ANGPT1: variants seen among roughly 807,000 people sequenced by gnomAD.
ANGPT1 encodes angiopoietin-1.
Under a neutral mutation model 62.2 loss-of-function variants are expected in ANGPT1, and 17 were observed. That is an observed-to-expected ratio of 0.27 (90% CI 0.19 to 0.41). The LOEUF is 0.41. Among genes scored for constraint, ANGPT1 ranks in the 10% least tolerant of loss-of-function variants. ANGPT1 has a pLI of 1.00. For missense variants in ANGPT1, 478 were observed against 594.9 expected, an observed-to-expected ratio of 0.80 and a Z score of 2.04; for synonymous variants, 199 against 198.9, an observed-to-expected ratio of 1.00 and a Z score of 0.00.
intron 2 of ANGPT1, among the ~76,000 whole-genome samples, chr8:107,344,859 G>A (rs1368498): frequency 0.04 from 6,040 of 152,240 alleles, 330 homozygotes; most frequent in African/African-American, 0.12. Context: ...AGAGTGTATG[G>A]AGGTTAAGGA....
intron 4 of ANGPT1, among the ~76,000 whole-genome samples, chr8:107,319,230 A>G (rs1036990198): frequency 6.6e-5 from 10 of 152,182 alleles, no homozygotes; most frequent in Non-Finnish European, 1.5e-4. Context: ...ATACATGATG[A>G]GACAGCTTCC....
At position 107,467,673 on chromosome 8, in the gene ANGPT1, T is replaced by G. The variant is rs190306558; in HGVS notation, c.297+29589A>C. Among the ~76,000 whole-genome samples, 184 of 152,188 alleles carry G rather than the reference T, an allele frequency of 1.2e-3. 2 individuals carry two copies. Among genetic ancestry groups the G allele is most frequent in the African/African-American group, 4.8e-5 (2 of 41,556 alleles). On this transcript the variant is annotated intron_variant, in intron 1 of 8. Coordinates refer to ENST00000517746, the MANE Select transcript of ANGPT1 (RefSeq NM_001146.5). ...GATCTGTGTTCAGTCCTGAAGATAC[T>G]GAGCTTAGCTCTACGGTTTAAGGTA...
intron 1 of ANGPT1, among the ~76,000 whole-genome samples, chr8:107,421,263 A>T (rs1010802060): frequency 3.3e-5 from 5 of 152,286 alleles, no homozygotes; most frequent in Non-Finnish European, 7.3e-5. Context: ...TGAGTGAAAA[A>T]TTGTCTTGTC....
At chr8:107,382,894 T>A (rs1406655939) in intron 1 of ANGPT1, among the ~76,000 whole-genome samples, 1 of 152,320 alleles carries the variant, frequency 6.6e-6, no homozygotes, top group Admixed American at 6.5e-5. Context: ...TATATTTCAA[T>A]CTGAACAACG....
chr8:107,314,003 G>T (rs1400954093), intron 4 of ANGPT1, among the ~76,000 whole-genome samples: 1 of 151,988 alleles, frequency 6.6e-6, no homozygotes, highest in Non-Finnish European at 1.5e-5. Flanking sequence ...GGTGTCATTT[G>T]GTTCAGTGTA....
chr8:107,261,873 G>T (rs1314012999), intron 8 of ANGPT1, among the ~76,000 whole-genome samples: 2 of 151,906 alleles, frequency 1.3e-5, no homozygotes, highest in East Asian at 3.9e-4. Context: ...TAATAGAGGG[G>T]TTGGGGATAG....
At chr8:107,336,018 T>C (rs1003612965) in intron 3 of ANGPT1, 132 bp downstream of exon 3, 20 of 797,534 alleles carry the variant, frequency 2.5e-5, no homozygotes, top group Non-Finnish European at 3.1e-5. Flanking sequence ...TTTATTTTTA[T>C]ATTAATATTA....
intron 6 of ANGPT1, among the ~76,000 whole-genome samples, chr8:107,288,117 A>C (rs1814187581): frequency 1.3e-5 from 2 of 152,150 alleles, no homozygotes; most frequent in African/African-American, 4.8e-5. Context: ...ATACTGAAAT[A>C]ATTATTTAAA....
chr8:107,352,708 T>C (rs759832023), intron 1 of ANGPT1, among the ~76,000 whole-genome samples: 14 of 152,126 alleles, frequency 9.2e-5, no homozygotes, highest in Admixed American at 2.6e-4. Context: ...TTAAACCCTA[T>C]AAAAATTGAC....
At chr8:107,344,196 A>G (rs957473729) in intron 2 of ANGPT1, among the ~76,000 whole-genome samples, 4 of 152,200 alleles carry the variant, frequency 2.6e-5, no homozygotes, top group Non-Finnish European at 5.9e-5. Flanking sequence ...TATTAGAGGC[A>G]AATTTTAAGG....
chr8:107,293,488 A>G (rs1314856025), intron 6 of ANGPT1, among the ~76,000 whole-genome samples: 1 of 152,218 alleles, frequency 6.6e-6, no homozygotes, highest in Non-Finnish European at 1.5e-5. Flanking sequence ...AAAGAAGCTT[A>G]GCTTAGCCAC....
At chr8:107,477,042 C>A (rs2130511532) in intron 1 of ANGPT1, among the ~76,000 whole-genome samples, 1 of 152,248 alleles carries the variant, frequency 6.6e-6, no homozygotes, top group Admixed American at 6.5e-5. Flanking sequence ...ATAATGCAAC[C>A]ACAGAATCCA....
chr8:107,472,468 A>G (rs1411729306), intron 1 of ANGPT1, among the ~76,000 whole-genome samples: 4 of 152,126 alleles, frequency 2.6e-5, no homozygotes, highest in African/African-American at 9.7e-5. Context: ...TCTTAAAGCA[A>G]TCATCTGACT....
chr8:107,454,364 A>G (rs2130461716), intron 1 of ANGPT1, among the ~76,000 whole-genome samples: 1 of 152,194 alleles, frequency 6.6e-6, no homozygotes, highest in Middle Eastern at 3.4e-3. Flanking sequence ...ATTGGACAAG[A>G]CTGTCTATTC....
chr8:107,459,733 T>C (rs779580618), intron 1 of ANGPT1, among the ~76,000 whole-genome samples: 4 of 152,140 alleles, frequency 2.6e-5, no homozygotes, highest in African/African-American at 4.8e-5. Context: ...ATTTTTTGTA[T>C]ATAGTCTTAG....
chr8:107,346,909 G>A, intron 2 of ANGPT1, 33 bp downstream of exon 2: 9 of 1,551,214 alleles, frequency 5.8e-6, no homozygotes, highest in Non-Finnish European at 7.8e-6. Flanking sequence ...ATTTTTCCTT[G>A]TTGAGTCTGT....
rs1274743711 is a variant in ANGPT1 at position 107,336,498 on chromosome 8, T to C, written c.454-227A>G. 32 of 479,478 alleles carry C rather than the reference T, an allele frequency of 6.7e-5. No homozygotes were observed. In the South Asian group the frequency reaches 1.1e-3, roughly 16 times the overall value. The allele number at this position is 479,478 out of a possible 1,614,324, so 29.7% of individuals were successfully genotyped here. A position where few individuals can be genotyped will look rare whatever the true frequency, so the allele number is the denominator to read the frequency against. On this transcript the variant is annotated intron_variant, in intron 2 of 8. Coordinates refer to ENST00000517746, the MANE Select transcript of ANGPT1 (RefSeq NM_001146.5). ...GGCAAACATGGTGAAACCCCGTCTCTACTAAAAATACAAAAACTTAGCCGG... is the reference window on the plus strand; with the variant it reads ...GGCAAACATGGTGAAACCCCGTCTCCACTAAAAATACAAAAACTTAGCCGG...
At chr8:107,401,272 GA>G (rs3036541) in intron 1 of ANGPT1, among the ~76,000 whole-genome samples, 355 of 145,544 alleles carry the variant, frequency 2.4e-3, no homozygotes, top group African/African-American at 6.1e-3. Context: ...CACTAAACAA[GA>G]AAAAAAAAAA....
chr8:107,418,723 T>C (rs1357514098), intron 1 of ANGPT1, among the ~76,000 whole-genome samples: 2 of 152,242 alleles, frequency 1.3e-5, no homozygotes, highest in African/African-American at 2.4e-5. Flanking sequence ...ATCTGGCTCA[T>C]GAAAAATAAA....
Sources: allele counts gnomAD v4.1 joint callset (sites outside exome capture counted in the v4.1 genomes callset), GRCh38; gene constraint gnomAD v4.1.1; transcripts MANE v1.5; gene names NCBI Gene and HGNC (gene_info 2026-07-23, HGNC 2026-07-21).